The following AKR1C4 variants were observed in gnomAD, a reference collection of about 807,000 sequenced individuals.
AKR1C4 encodes the protein aldo-keto reductase family 1 member C4.
Under a neutral mutation model 41.0 loss-of-function variants are expected in AKR1C4, and 44 were observed. The ratio of observed to expected loss-of-function variants is 1.07; its 90% CI spans 0.84 to 1.38. AKR1C4 has a LOEUF of 1.38. Ranked by LOEUF, AKR1C4 falls within the 40% of genes most tolerant of loss-of-function variation. AKR1C4 has a pLI of 0.00. For synonymous variants in AKR1C4, 165 were observed against 137.7 expected (o/e 1.20, Z -1.39); for missense variants, 438 against 387.9 (o/e 1.13, Z -1.09).
rs149007440 is a variant in AKR1C4, at chr10:5,200,283, C to T, written c.187C>T (p.Leu63=). The change falls in exon 2 of 9, where the codon CTG becomes TTG. Residue 63 remains leucine, a synonymous_variant. Coordinates refer to ENST00000263126, the MANE Select transcript of AKR1C4 (RefSeq NM_001818.5). ...ATACAATAATGAGGAGCAGGTTGGA[C>T]TGGCCATCCGAAGCAAGATTGCAGA... ...YLYNNEEQVG[L]AIRSKIADGS... 3.1e-6 allele frequency: 5 copies of T among 1,614,190 alleles called. No homozygotes were observed. Among genetic ancestry groups the T allele is most frequent in the Non-Finnish European group, 3.4e-6 (4 of 1,180,004 alleles).
chr10:5,202,939 T>TGTGTGTG (rs1832423115), intron 2 of AKR1C4, among the ~76,000 whole-genome samples: 25 of 139,268 alleles, frequency 1.8e-4, no homozygotes, highest in African/African-American at 6.7e-4. Flanking sequence ...TAGTTTTCTT[T>TGTGTGTG]TGTGTGTGTG....
chr10:5,202,677 G>GT (rs1832418541), intron 2 of AKR1C4, among the ~76,000 whole-genome samples: 1 of 151,852 alleles, frequency 6.6e-6, no homozygotes, highest in Non-Finnish European at 1.5e-5. Flanking sequence ...TTTGTTGAGG[G>GT]TTTTTATCAT....
At chr10:5,214,318 T>C (rs566990384) in intron 7 of AKR1C4, among the ~76,000 whole-genome samples, 89 of 152,336 alleles carry the variant, frequency 5.8e-4, no homozygotes, top group Middle Eastern at 3.4e-3. Flanking sequence ...TTTAAGATTA[T>C]GTTGAATAGA....
At chr10:5,201,694 T>C (rs1832402408) in intron 2 of AKR1C4, among the ~76,000 whole-genome samples, 1 of 152,226 alleles carries the variant, frequency 6.6e-6, no homozygotes, top group Admixed American at 6.5e-5. Context: ...TACAGGCCAA[T>C]GTTAAGAAGA....
At position 5,204,425 on chromosome 10, in the gene AKR1C4, A is replaced by C; in HGVS notation, c.301A>C (p.Ser101Arg). The change falls in exon 3 of 9, where the codon AGC becomes CGC. Residue 101 changes from serine to arginine, a missense_variant. Physicochemically the swap from Ser to Arg is moderately radical, Grantham distance 110. Transcript: ENST00000263126. ...ACAGATGGTCCAACCAGCCTTGGAA[A>C]GCTCACTGAAAAAACTTCAACTGGA... ...QPQMVQPALE[S>R]SLKKLQLDYV... The C allele has an allele frequency of 6.2e-7, 1 of 1,614,064 alleles. No homozygotes were observed. The highest frequency in any genetic ancestry group is 8.5e-7 in the Non-Finnish European group (1 of 1,179,948).
rs17306779 is a variant in AKR1C4 at position 5,200,201 on chromosome 10, A to G, written c.105A>G (p.Val35=). ...APPEVPRNRA[V]EVTKLAIEAG... ...TTCAGGTTCCGAGGAACAGAGCTGTAGAGGTCACCAAATTAGCAATAGAAG... is the reference window on the plus strand; with the variant it reads ...TTCAGGTTCCGAGGAACAGAGCTGTGGAGGTCACCAAATTAGCAATAGAAG... The change falls in exon 2 of 9, where the codon GTA becomes GTG. Residue 35 remains valine (V), a synonymous_variant. Transcript: ENST00000263126. 349,272 of 1,613,736 alleles carry G rather than the reference A, an allele frequency of 0.22. 39,315 individuals carry two copies. Among genetic ancestry groups the G allele is most frequent in the Admixed American group, 0.24 (14,390 of 60,008 alleles).
At position 5,216,777 on chromosome 10, in the gene AKR1C4, T is replaced by C. The variant is rs1554798559; in HGVS notation, c.913T>C (p.Tyr305His). 7.5e-6 allele frequency: 12 copies of C among 1,609,980 alleles called. No homozygotes were observed. The highest frequency in any genetic ancestry group is 2.2e-5 in the South Asian group (2 of 90,366). Residue 305 changes from tyrosine (Y) to histidine (H), a missense_variant, in exon 8 of 9, where the codon TAT (tyrosine) becomes CAT (histidine). Coordinates refer to ENST00000263126, the MANE Select transcript of AKR1C4 (RefSeq NM_001818.5). Reference sequence around the variant, plus strand: ...AGATGGTCTAAACAGAAATTATCGATATGTTGTCATGGATTTGTAAGTAAC... The same window carrying C: ...AGATGGTCTAAACAGAAATTATCGACATGTTGTCATGGATTTGTAAGTAAC... Reference protein sequence around the residue: ...VLDGLNRNYRYVVMDFLMDHP... With the variant: ...VLDGLNRNYRHVVMDFLMDHP...
chr10:5,218,609 A>C, intron 8 of AKR1C4, 109 bp from the exon 9 acceptor site: 1 of 784,536 alleles, frequency 1.3e-6, no homozygotes, highest in Non-Finnish European at 2.1e-6. Context: ...TCCGAAAATA[A>C]ACTTCTTAAC....
chr10:5,200,109 A>G, intron 1 of AKR1C4, 72 bp from the exon 2 acceptor site: 1 of 1,554,980 alleles, frequency 6.4e-7, no homozygotes, highest in Admixed American at 1.8e-5. Context: ...TGTGAGGACA[A>G]GGGAACTTTT....
intron 5 of AKR1C4, among the ~76,000 whole-genome samples, chr10:5,206,798 G>A (rs923751857): frequency 6.6e-6 from 1 of 152,136 alleles, no homozygotes; most frequent in Non-Finnish European, 1.5e-5. Context: ...CAATAAATCA[G>A]GAGACAGTGA....
rs377625585 is a variant in AKR1C4 at position 5,205,807 on chromosome 10, C to A, written c.420C>A (p.Asp140Glu). The A allele has an allele frequency of 8.1e-6, 13 of 1,613,306 alleles. 1 individual carries two copies. The highest frequency in any genetic ancestry group is 1.1e-5 in the Non-Finnish European group (13 of 1,179,568). ...PKDENGKVIF[D>E]TVDLSATWEV... ...ATGAAAATGGAAAAGTAATATTCGA[C>A]ACAGTGGATCTCTCTGCCACATGGG... Residue 140 changes from aspartate to glutamate, a missense_variant, in exon 4 of 9, where the codon GAC becomes GAA. Transcript: ENST00000263126.
rs372470852 is a variant in AKR1C4, at chr10:5,200,307, G to A, written c.211G>A (p.Asp71Asn). The A allele has an allele frequency of 6.2e-7, 1 of 1,614,190 alleles. No individual in the cohort carries two copies. Among genetic ancestry groups the A allele is most frequent in the Non-Finnish European group, 8.5e-7 (1 of 1,179,986 alleles). Residue 71 changes from aspartate to asparagine, a missense_variant, in exon 2 of 9, where the codon GAT becomes AAT. Coordinates refer to ENST00000263126, the MANE Select transcript of AKR1C4 (RefSeq NM_001818.5). ...ACTGGCCATCCGAAGCAAGATTGCA[G>A]ATGGCAGTGTGAAGAGAGAAGACAT... is the stretch of plus-strand genomic sequence containing the variant. ...VGLAIRSKIA[D>N]GSVKREDIFY...
At position 5,218,757 on chromosome 10, in the gene AKR1C4, T is replaced by G; in HGVS notation, c.969T>G (p.Tyr323Ter). The change falls in exon 9 of 9, where the codon TAT (tyrosine) becomes TAG (stop). Residue 323 changes from tyrosine (Y) to a stop codon, truncating the protein, a stop_gained. Transcript: ENST00000263126. LOFTEE classifies it high-confidence loss of function. ...DHPDYPFSDE[Y>*] Reference sequence around the variant, plus strand: ...CTGATTATCCATTTTCAGATGAATATTAGCATAGAGGGTGTTGCACGACAT... The same window carrying G: ...CTGATTATCCATTTTCAGATGAATAGTAGCATAGAGGGTGTTGCACGACAT... The G allele has an allele frequency of 1.9e-6, 3 of 1,604,614 alleles. No homozygotes were observed. The highest frequency in any genetic ancestry group is 2.6e-6 in the Non-Finnish European group (3 of 1,171,342).
In AKR1C4 at chr10:5,200,272, A is replaced by G; in HGVS notation, c.176A>G (p.Glu59Gly). The G allele has an allele frequency of 6.2e-7, 1 of 1,614,216 alleles. No homozygotes were observed. The highest frequency in any genetic ancestry group is 1.3e-5 in the African/African-American group (1 of 75,076). Residue 59 changes from glutamate to glycine, a missense_variant, in exon 2 of 9, where the codon GAG (glutamate) becomes GGG (glycine). By Grantham distance (98) the Glu-to-Gly change is moderately conservative. Transcript: ENST00000263126. ...TCTGCTTATTTATACAATAATGAGG[A>G]GCAGGTTGGACTGGCCATCCGAAGC... Reference protein sequence around the residue: ...IDSAYLYNNEEQVGLAIRSKI... With the variant: ...IDSAYLYNNEGQVGLAIRSKI...
intron 2 of AKR1C4, among the ~76,000 whole-genome samples, chr10:5,203,888 C>T (rs1042919549): frequency 6.6e-6 from 1 of 152,118 alleles, no homozygotes; most frequent in East Asian, 1.9e-4. Flanking sequence ...TATTCTGAAT[C>T]TCAATTGTCC....
chr10:5,210,914 A>G (rs1459488303), intron 5 of AKR1C4, among the ~76,000 whole-genome samples: 2 of 152,104 alleles, frequency 1.3e-5, no homozygotes. Context: ...CCAGCCCCAT[A>G]CCTCAATTCT....
intron 1 of AKR1C4, among the ~76,000 whole-genome samples, chr10:5,197,479 C>A (rs889544770): frequency 4.6e-5 from 7 of 152,150 alleles, no homozygotes; most frequent in Admixed American, 2.6e-4. Flanking sequence ...CAATGCCCTG[C>A]ACAACTCTCA....
intron 3 of AKR1C4, among the ~76,000 whole-genome samples, chr10:5,205,509 G>A (rs1832470202): frequency 2.0e-5 from 3 of 152,232 alleles, no homozygotes; most frequent in East Asian, 1.9e-4. Flanking sequence ...AACAGAAGTC[G>A]ACTGTGAACC....
chr10:5,218,939 TC>T lies in AKR1C4; in HGVS notation c.*180del, dbSNP rs1832697417. The T allele has an allele frequency of 1.9e-6, 1 of 520,754 alleles. No individual in the cohort carries two copies. Among genetic ancestry groups the T allele is most frequent in the Non-Finnish European group, 3.4e-6 (1 of 292,644 alleles). The allele number at this position is 520,754 out of a possible 1,614,324, so 32.3% of individuals were successfully genotyped here. A position where few individuals can be genotyped will look rare whatever the true frequency, so the allele number is the denominator to read the frequency against. On this transcript the variant is annotated 3_prime_UTR_variant, in exon 9 of 9. Transcript: ENST00000263126. ...AGAAAGCAAACATAATAAATTTTTATCTTGAAGTAATTGAATGTTTTTCCTT... is the reference window on the plus strand; with the variant it reads ...AGAAAGCAAACATAATAAATTTTTATTTGAAGTAATTGAATGTTTTTCCTT...
Sources: gnomAD v4.1 joint callset for allele counts (sites outside exome capture counted in the v4.1 genomes callset) on GRCh38, gnomAD v4.1.1 for gene constraint, MANE v1.5 for transcripts, NCBI Gene and HGNC (gene_info 2026-07-23, HGNC 2026-07-21) for gene names.